Variants in CRHR2 observed in about 807,000 individuals in gnomAD.
The protein encoded by CRHR2 is corticotropin releasing hormone receptor 2.
Under a neutral mutation model 57.9 loss-of-function variants are expected in CRHR2, and 53 were observed. The ratio of observed to expected loss-of-function variants is 0.92; its 90% confidence interval spans 0.73 to 1.15. CRHR2 has a LOEUF of 1.15. CRHR2 is among the 50% of genes most tolerant of loss of function. The probability of loss-of-function intolerance (pLI) is 0.00; values close to 1 mark genes in which losing one functional copy is unlikely to be tolerated. For synonymous variants in CRHR2, 213 were observed against 220.9 expected, an observed-to-expected ratio of 0.96 and a Z score of 0.32; for missense variants, 532 against 542.6, an observed-to-expected ratio of 0.98 and a Z score of 0.19.
Position 30,656,170 on chromosome 7 carries a change from C to T in CRHR2, c.832-158G>A, listed in dbSNP as rs1276683452. ...CCTAGCACCTGCCAGCATCCCAAGG[C>T]CTGTGCTCCTCCCTCGCCAGGATGG... On this transcript the variant is annotated intron_variant, in intron 8 of 11. Transcript: ENST00000471646. The surrounding 1 kb of genome is among the most constrained non-coding windows in gnomAD (Gnocchi z 4.4). Among the ~76,000 whole-genome samples, 5 of 152,140 alleles carry T rather than the reference C, an allele frequency of 3.3e-5. No homozygotes were observed. The highest frequency in any genetic ancestry group is 7.4e-5 in the Non-Finnish European group (5 of 68,006).
At chr7:30,689,835 A>G (rs1040309639) in intron 1 of CRHR2, among the ~76,000 whole-genome samples, 12 of 152,216 alleles carry the variant, frequency 7.9e-5, no homozygotes, top group African/African-American at 2.4e-4. Context: ...AACGAAGAGC[A>G]TTAGGTTAAT....
Position 30,653,340 on chromosome 7 carries a change from G to C in CRHR2, c.*120C>G. ...TGCCGCACCCCCTCTTTCCTGCCAG[G>C]CTGGAGAGCTGGTCTCTCCCCTCCC... On this transcript the variant is annotated 3_prime_UTR_variant, in exon 12 of 12. Transcript: ENST00000471646. This position sits in a 1 kb window ranked among gnomAD's most constrained non-coding sequence, Gnocchi z 5.0. The C allele has an allele frequency of 7.1e-7, 1 of 1,404,958 alleles. No homozygotes were observed. The highest frequency in any genetic ancestry group is 9.6e-7 in the Non-Finnish European group (1 of 1,042,196). The allele number at this position is 1,404,958 out of a possible 1,614,324, so 87.0% of individuals were successfully genotyped here.
At chr7:30,667,687 T>C (rs1271880453) in intron 2 of CRHR2, among the ~76,000 whole-genome samples, 3 of 152,240 alleles carry the variant, frequency 2.0e-5, no homozygotes, top group Non-Finnish European at 4.4e-5. Flanking sequence ...ATTTATGAGG[T>C]CCATACTTCA....
chr7:30,689,092 C>T (rs1319112327), intron 2 of CRHR2: 12 of 1,089,328 alleles, frequency 1.1e-5, no homozygotes, highest in African/African-American at 4.7e-5. Context: ...CACCCACCAC[C>T]CTGCTGAGCC....
intron 3 of CRHR2, among the ~76,000 whole-genome samples, chr7:30,666,704 G>C (rs572823271): frequency 1.3e-5 from 2 of 152,268 alleles, no homozygotes; most frequent in Non-Finnish European, 2.9e-5. Flanking sequence ...TTTCAGGTCA[G>C]GAATGAGGCG....
intron 8 of CRHR2, among the ~76,000 whole-genome samples, chr7:30,660,066 T>G (rs1783937615): frequency 6.6e-6 from 1 of 152,240 alleles, no homozygotes; most frequent in African/African-American, 2.4e-5. Context: ...ATACCTTAGA[T>G]GCAAATACAT....
At chr7:30,662,128 A>AC (rs1584092116) in intron 7 of CRHR2, 28 bp downstream of exon 7, 2 of 1,611,838 alleles carry the variant, frequency 1.2e-6, no homozygotes, top group Non-Finnish European at 8.5e-7. Context: ...CTTCCCCATG[A>AC]CCCCCCATGG....
chr7:30,682,463 C>T, upstream of CRHR2: 1 of 1,333,390 alleles, frequency 7.5e-7, no homozygotes. Flanking sequence ...AAGTGGGGAC[C>T]TTCCCGGAGA....
intron 8 of CRHR2, among the ~76,000 whole-genome samples, chr7:30,658,569 A>G (rs1252705345): frequency 1.3e-5 from 2 of 152,176 alleles, no homozygotes; most frequent in Non-Finnish European, 2.9e-5. Flanking sequence ...TCCTAGTCTC[A>G]TGGCTCAAAT....
At chr7:30,682,520 G>A (rs1234042825), upstream of CRHR2, 45 of 1,258,882 alleles carry the variant, frequency 3.6e-5, no homozygotes, top group Non-Finnish European at 4.5e-5. Flanking sequence ...CTCCGCCGCG[G>A]CCAATGGCTG....
intron 1 of CRHR2, among the ~76,000 whole-genome samples, chr7:30,695,569 A>C (rs1362142907): frequency 6.6e-6 from 1 of 151,970 alleles, no homozygotes; most frequent in Non-Finnish European, 1.5e-5. Flanking sequence ...GGGAGAGGTG[A>C]CTTGGCCCAA....
rs181876686 is a variant in CRHR2 at position 30,652,999 on chromosome 7, G to A, written c.*461C>T. Reference sequence around the variant, plus strand: ...GCAGCCAAACTGATCCTTTGCTGGCGTACCCCACCCAACTGCAGGGGCACC... The same window carrying A: ...GCAGCCAAACTGATCCTTTGCTGGCATACCCCACCCAACTGCAGGGGCACC... On this transcript the variant is annotated 3_prime_UTR_variant, in exon 12 of 12. Transcript: ENST00000471646. This position sits in a 1 kb window ranked among gnomAD's most constrained non-coding sequence, Gnocchi z 4.4. 2.1e-4 allele frequency: 33 copies of A among 155,652 alleles called. No homozygotes were observed. The highest frequency in any genetic ancestry group is 9.4e-4 in the Admixed American group (15 of 15,940). 9.6% of individuals were successfully genotyped at this position (155,652 alleles called of 1,614,324 possible).
intron 2 of CRHR2, among the ~76,000 whole-genome samples, chr7:30,670,987 C>T (rs1440120841): frequency 1.3e-5 from 2 of 152,178 alleles, no homozygotes; most frequent in African/African-American, 4.8e-5. Context: ...ATGGGCTCTC[C>T]CCGTTTCAGA....
chr7:30,662,802 TCAC>T lies in CRHR2; in HGVS notation c.586_588del (p.Val196del). On this transcript the variant is annotated inframe_deletion, in exon 6 of 12. Transcript: ENST00000471646. The stretch of plus-strand genomic sequence containing the variant: ...TCCACAAACATCCAGAAGAAGTTGG[TCAC>T]CACGAAGTAGTTGAAGATGGTGGTG... 1 of 1,614,188 alleles carries T rather than the reference TCAC, an allele frequency of 6.2e-7. No homozygotes were observed. The highest frequency in any genetic ancestry group is 1.1e-5 in the South Asian group (1 of 91,080).
At chr7:30,682,690 C>G (rs1784766406), upstream of CRHR2, 1 of 208,962 alleles carries the variant, frequency 4.8e-6, no homozygotes, top group African/African-American at 2.3e-5. Flanking sequence ...CCTGGGGTGA[C>G]GGAATGCTCT....
chr7:30,686,488 G>A, upstream of CRHR2: 3 of 1,515,706 alleles, frequency 2.0e-6, no homozygotes, highest in South Asian at 2.5e-5. Flanking sequence ...TTGCATTGAG[G>A]AATTATTTCA....
rs552434819 is a variant in CRHR2 at position 30,692,225 on chromosome 7, G to C, written c.-260-2941C>G. ...ACTTTAGGAGGGGGCTAGTTAGAGA[G>C]CTCAGTGATGGGAGGTCGAGTCCCC... On this transcript the variant is annotated intron_variant, in intron 1 of 13. Transcript: ENST00000341843. Among the ~76,000 whole-genome samples, 47 of 152,332 alleles carry C rather than the reference G, an allele frequency of 3.1e-4. 1 individual carries two copies. The South Asian group carries it at 9.1e-3, about 30-fold the overall frequency.
At chr7:30,684,550 T>C (rs1784816198), upstream of CRHR2, among the ~76,000 whole-genome samples, 1 of 152,202 alleles carries the variant, frequency 6.6e-6, no homozygotes, top group Admixed American at 6.5e-5. Flanking sequence ...TGGATTGCTC[T>C]TAACTGGGAG....
rs1482135388 is a variant in CRHR2 at position 30,689,360 on chromosome 7, A to G, written c.-260-76T>C. 8 of 1,189,500 alleles carry G rather than the reference A, an allele frequency of 6.7e-6. No individual in the cohort carries two copies. The African/African-American group carries it at 1.2e-4, about 18-fold the overall frequency. The allele number at this position is 1,189,500 out of a possible 1,614,324, so 73.7% of individuals were successfully genotyped here. ...GACAGTGCCTGTCTGCCCCCATCCT[A>G]TCCTATCACTCATCCCTTACTCCTC... On this transcript the variant is annotated intron_variant, in intron 1 of 13. Coordinates refer to the CRHR2 transcript ENST00000341843.
Sources: allele counts gnomAD v4.1 joint callset (sites outside exome capture counted in the v4.1 genomes callset), GRCh38; gene constraint gnomAD v4.1.1; non-coding constraint Gnocchi (gnomAD v3.1); transcripts MANE v1.5; gene names NCBI Gene and HGNC (gene_info 2026-07-23, HGNC 2026-07-21).